The following HHIP variants were observed in gnomAD, a reference collection of about 807,000 sequenced individuals.
HHIP encodes hedgehog interacting protein.
In HHIP, 12 loss-of-function variants were observed where a neutral mutation model predicts 74.0. The observed-to-expected ratio is 0.16, with a 90% CI of 0.10 to 0.26. The LOEUF (loss-of-function observed/expected upper bound fraction) is 0.26, where lower values mean the gene tolerates loss of function less well. Ranked by LOEUF, HHIP falls within the 10% of genes least tolerant of loss-of-function variation. The pLI is 1.00. For missense variants in HHIP, 788 were observed against 845.0 expected (o/e 0.93, Z 0.84); for synonymous variants, 309 against 311.6 (o/e 0.99, Z 0.09).
intron 4 of HHIP, among the ~76,000 whole-genome samples, chr4:144,687,311 G>C (rs561453811): frequency 6.6e-6 from 1 of 152,226 alleles, no homozygotes; most frequent in African/African-American, 2.4e-5. Context: ...GGAAAAGTGT[G>C]ATTCCACAGA....
chr4:144,671,123 C>A (rs1468724646), intron 4 of HHIP, among the ~76,000 whole-genome samples: 1 of 152,106 alleles, frequency 6.6e-6, no homozygotes. Context: ...CTGTTTAAAT[C>A]TCCAGGGATT....
intron 4 of HHIP, among the ~76,000 whole-genome samples, chr4:144,705,053 T>C (rs1335997390): frequency 6.6e-6 from 1 of 152,224 alleles, no homozygotes; most frequent in Non-Finnish European, 1.5e-5. Context: ...TGGAGGAAAG[T>C]TGACTTTTTG....
intron 4 of HHIP, among the ~76,000 whole-genome samples, chr4:144,680,238 C>T (rs1560703571): frequency 6.7e-6 from 1 of 150,084 alleles, no homozygotes; most frequent in African/African-American, 2.5e-5. Flanking sequence ...TGTGCTTTAC[C>T]AAAAAAAAAC....
At chr4:144,737,546 A>G (rs1731153892) in intron 12 of HHIP, among the ~76,000 whole-genome samples, 2 of 152,212 alleles carry the variant, frequency 1.3e-5, no homozygotes, top group Admixed American at 1.3e-4. Flanking sequence ...TTCTCTAGAA[A>G]TGTCTCTCAT....
intron 4 of HHIP, among the ~76,000 whole-genome samples, chr4:144,703,940 G>C (rs1730059828): frequency 6.6e-6 from 1 of 152,154 alleles, no homozygotes; most frequent in African/African-American, 2.4e-5. Flanking sequence ...TTGCATTTGA[G>C]AGTTAAATCA....
intron 1 of HHIP, among the ~76,000 whole-genome samples, chr4:144,652,174 G>C (rs910540049): frequency 1.3e-5 from 2 of 152,048 alleles, no homozygotes; most frequent in African/African-American, 4.8e-5. Flanking sequence ...GAATGAAATA[G>C]ATTTTCACAT....
At chr4:144,736,946 CA>C (rs1183803387) in intron 12 of HHIP, among the ~76,000 whole-genome samples, 2 of 152,266 alleles carry the variant, frequency 1.3e-5, no homozygotes, top group East Asian at 3.9e-4. Context: ...CCTGTCTCGT[CA>C]AAACATAAGG....
Position 144,711,373 on chromosome 4 carries a change from G to T in HHIP, c.1302-577G>T, listed in dbSNP as rs1352479750. 3.3e-5 allele frequency among the ~76,000 whole-genome samples: 5 copies of T among 152,108 alleles called. No individual in the cohort carries two copies. In the East Asian group the frequency reaches 9.7e-4, roughly 29 times the overall value. The stretch of plus-strand genomic sequence containing the variant: ...GTTCTGGGATACATGTGCTGAACTT[G>T]CAGGTTTCTTACATAGGTTTACATG... On this transcript the variant is annotated intron_variant, in intron 7 of 12. Transcript: ENST00000296575.
At chr4:144,648,773 G>A (rs532522554) in intron 1 of HHIP, 11 of 152,348 alleles carry the variant, frequency 7.2e-5, no homozygotes, top group African/African-American at 2.4e-4. Context: ...AGAAGGGGAA[G>A]GGGGATGGGA....
chr4:144,666,144 C>T (rs1728855074), intron 4 of HHIP, among the ~76,000 whole-genome samples: 1 of 151,962 alleles, frequency 6.6e-6, no homozygotes, highest in African/African-American at 2.4e-5. Flanking sequence ...GCTGTATTAC[C>T]TCATAAAAAG....
intron 11 of HHIP, among the ~76,000 whole-genome samples, chr4:144,728,966 A>G (rs973134031): frequency 2.6e-5 from 4 of 152,188 alleles, no homozygotes; most frequent in Admixed American, 1.3e-4. Flanking sequence ...TCTACTCCTT[A>G]TAAGTAAACT....
chr4:144,734,785 A>G lies in HHIP; in HGVS notation c.1805A>G (p.Gln602Arg), dbSNP rs375736858. Residue 602 changes from glutamine to arginine, a missense_variant, in exon 12 of 13, where the codon CAG becomes CGG. Around this residue, in one of 3 missense-constraint regions of HHIP, gnomAD observed 343 missense variants for 347.9 expected, o/e 0.99. Coordinates refer to ENST00000296575, the MANE Select transcript of HHIP (RefSeq NM_022475.3). ...EECRATVQPAQTLTSECSRLC... is the reference protein window; with the variant it reads ...EECRATVQPARTLTSECSRLC... ...TGCAGAGCCACGGTACAACCTGCAC[A>G]GACACTGACTTCAGAGTGCTCCAGG... 6.2e-7 allele frequency: 1 copy of G among 1,611,516 alleles called. No individual in the cohort carries two copies. The highest frequency in any genetic ancestry group is 8.5e-7 in the Non-Finnish European group (1 of 1,178,068).
rs1362095699 is a variant in HHIP at position 144,739,761 on chromosome 4, AAG to A, written c.*1806_*1807del. 6.6e-6 allele frequency: 1 copy of A among 152,236 alleles called. No homozygotes were observed. Among genetic ancestry groups the A allele is most frequent in the Non-Finnish European group, 1.5e-5 (1 of 68,042 alleles). The allele number at this position is 152,236 out of a possible 1,614,324, so 9.4% of individuals were successfully genotyped here. The stretch of plus-strand genomic sequence containing the variant: ...TTAGATTCAATTGACAGTCTATTCA[AAG>A]AAGTCTCAGGATTAAATGAGCATGG... On this transcript the variant is annotated 3_prime_UTR_variant, in exon 13 of 13. Transcript: ENST00000296575.
intron 4 of HHIP, among the ~76,000 whole-genome samples, chr4:144,692,734 A>G (rs1158037123): frequency 6.6e-6 from 1 of 152,188 alleles, no homozygotes; most frequent in African/African-American, 2.4e-5. Flanking sequence ...TATTTTAACA[A>G]TGGCTAAATT....
chr4:144,737,791 G>A lies in HHIP; in HGVS notation c.1937G>A (p.Gly646Glu), dbSNP rs746740086. Residue 646 changes from glycine (G) to glutamate (E), a missense_variant, in exon 13 of 13, where the codon GGA becomes GAA. Coordinates refer to ENST00000296575, the MANE Select transcript of HHIP (RefSeq NM_022475.3). The stretch of plus-strand genomic sequence containing the variant: ...AAATGTGAGCCAGCATGTCGTCATG[G>A]AGGTGTCTGTGTTAGACCGAACAAG... ...TAKCEPACRHGGVCVRPNKCL... is the reference protein window; with the variant it reads ...TAKCEPACRHEGVCVRPNKCL... 1.2e-6 allele frequency: 2 copies of A among 1,609,152 alleles called. No homozygotes were observed. Among genetic ancestry groups the A allele is most frequent in the South Asian group, 1.1e-5 (1 of 90,196 alleles).
At chr4:144,730,330 T>C (rs1730918554) in intron 11 of HHIP, among the ~76,000 whole-genome samples, 1 of 152,200 alleles carries the variant, frequency 6.6e-6, no homozygotes. Context: ...TCATTATTTG[T>C]CATGCATGAA....
chr4:144,735,745 T>C (rs1414965744), intron 12 of HHIP, among the ~76,000 whole-genome samples: 1 of 152,230 alleles, frequency 6.6e-6, no homozygotes, highest in East Asian at 1.9e-4. Flanking sequence ...ATAAATGCTA[T>C]CTTTTTGTTT....
chr4:144,680,013 G>A (rs372631229), intron 4 of HHIP, among the ~76,000 whole-genome samples: 1 of 152,072 alleles, frequency 6.6e-6, no homozygotes, highest in Admixed American at 6.5e-5. Context: ...TTAGTCATTT[G>A]TTTTCTCATT....
intron 4 of HHIP, among the ~76,000 whole-genome samples, chr4:144,670,531 A>G (rs1729006226): frequency 6.6e-6 from 1 of 151,410 alleles, no homozygotes; most frequent in Non-Finnish European, 1.5e-5. Context: ...CATACTATTT[A>G]GTTCTAATAA....
Sources: gnomAD v4.1 joint callset for allele counts (sites outside exome capture counted in the v4.1 genomes callset) on GRCh38, gnomAD v4.1.1 for gene constraint, gnomAD v4.1.1 regional missense constraint, MANE v1.5 for transcripts, NCBI Gene and HGNC (gene_info 2026-07-23, HGNC 2026-07-21) for gene names.